MTAP: variants seen among roughly 807,000 people sequenced by gnomAD.
MTAP encodes methylthioadenosine phosphorylase, also known as S-methyl-5'-thioadenosine phosphorylase.
MTAP carries 33 observed loss-of-function variants against 33.6 expected under a neutral mutation model. That is an observed-to-expected ratio of 0.98 (90% CI 0.74 to 1.31). MTAP has a LOEUF of 1.31. Ranked by LOEUF, MTAP falls within the 40% of genes most tolerant of loss-of-function variation. MTAP has a pLI of 0.00. For synonymous variants in MTAP, 148 were observed against 125.7 expected, an observed-to-expected ratio of 1.18 and a Z score of -1.19; for missense variants, 367 against 360.0, an observed-to-expected ratio of 1.02 and a Z score of -0.16.
intron 2 of MTAP, 34 bp downstream of exon 2, chr9:21,815,553 G>GT (rs764487208): frequency 8.6e-7 from 1 of 1,158,106 alleles, no homozygotes; most frequent in Non-Finnish European, 1.3e-6. Flanking sequence ...ATGTTTTTTA[G>GT]TTTTTTCATT....
At chr9:21,908,429 G>T (rs1341341166) in intron 1 of MTAP, among the ~76,000 whole-genome samples, 3 of 152,016 alleles carry the variant, frequency 2.0e-5, no homozygotes, top group Non-Finnish European at 4.4e-5. Flanking sequence ...TTCATGTTCA[G>T]GTTTTTTGTG....
At chr9:21,905,762 T>A (rs1402108563) in intron 1 of MTAP, among the ~76,000 whole-genome samples, 1 of 152,170 alleles carries the variant, frequency 6.6e-6, no homozygotes, top group African/African-American at 2.4e-5. Context: ...GAGACAAGAC[T>A]TTCTGAGACT....
rs1444908477 is a variant in MTAP at position 21,922,929 on chromosome 9, TCTG to T, written c.148-8076_148-8074del. ...ACACTGTGCAATGTCTGCAATTTCC[TCTG>T]CTTTTTCAAATACAATTGTCTTTTT... is the stretch of plus-strand genomic sequence containing the variant. On this transcript the variant is annotated intron_variant, in intron 1 of 1. Coordinates refer to the MTAP transcript ENST00000577563. The surrounding 1 kb of genome is among the most constrained non-coding windows in gnomAD (Gnocchi z 4.8). Among the ~76,000 whole-genome samples, 1 of 152,178 alleles carries T rather than the reference TCTG, an allele frequency of 6.6e-6. No homozygotes were observed. Among genetic ancestry groups the T allele is most frequent in the Non-Finnish European group, 1.5e-5 (1 of 68,038 alleles).
At chr9:21,869,417 G>A (rs1300319723), downstream of MTAP, among the ~76,000 whole-genome samples, 1 of 152,106 alleles carries the variant, frequency 6.6e-6, no homozygotes, top group Non-Finnish European at 1.5e-5. Context: ...TGGCTTCCAA[G>A]GACACCACAC....
intron 7 of MTAP, 99 bp from the exon 8 acceptor site, chr9:21,861,877 C>T (rs1380900393): frequency 1.2e-6 from 1 of 822,544 alleles, no homozygotes; most frequent in Non-Finnish European, 2.1e-6. Context: ...CCTGCGTCCT[C>T]ACTTTGATCT....
At chr9:21,915,146 G>C (rs1285587407) in intron 1 of MTAP, among the ~76,000 whole-genome samples, 3 of 150,434 alleles carry the variant, frequency 2.0e-5, no homozygotes, top group African/African-American at 7.4e-5. Flanking sequence ...GCAGTGGTGG[G>C]ATCTTGGCTC....
At chr9:21,884,052 GTTT>G (rs1818063821) in intron 1 of MTAP, among the ~76,000 whole-genome samples, 1 of 151,956 alleles carries the variant, frequency 6.6e-6, no homozygotes, top group Non-Finnish European at 1.5e-5. Flanking sequence ...ATTGCAAGAA[GTTT>G]CTTTATCCTG....
At chr9:21,869,637 A>T (rs1825907803), downstream of MTAP, among the ~76,000 whole-genome samples, 1 of 152,098 alleles carries the variant, frequency 6.6e-6, no homozygotes, top group South Asian at 2.1e-4. Flanking sequence ...AGTTCCTCAG[A>T]CTAAAAACTT....
downstream of MTAP, among the ~76,000 whole-genome samples, chr9:21,939,246 C>T (rs1345128854): frequency 6.6e-6 from 1 of 152,192 alleles, no homozygotes; most frequent in African/African-American, 2.4e-5. Flanking sequence ...TCTTTTTCTT[C>T]CCAGTCTCTG....
intron 1 of MTAP, among the ~76,000 whole-genome samples, chr9:21,910,638 A>G (rs2118843875): frequency 6.6e-6 from 1 of 152,296 alleles, no homozygotes; most frequent in East Asian, 1.9e-4. Flanking sequence ...AAATCACTGA[A>G]AGGTTTGGAG....
At chr9:21,842,217 C>G (rs569770366) in intron 5 of MTAP, among the ~76,000 whole-genome samples, 1 of 151,774 alleles carries the variant, frequency 6.6e-6, no homozygotes, top group South Asian at 2.1e-4. Flanking sequence ...TTAACTGAAT[C>G]AAGACAAAGA....
intron 1 of MTAP, among the ~76,000 whole-genome samples, chr9:21,906,781 T>A (rs1185015683): frequency 6.6e-6 from 1 of 152,232 alleles, no homozygotes; most frequent in Non-Finnish European, 1.5e-5. Context: ...ATAACAGCAA[T>A]TATTTATGTC....
chr9:21,886,470 T>C (rs891064295), intron 1 of MTAP, among the ~76,000 whole-genome samples: 1 of 152,176 alleles, frequency 6.6e-6, no homozygotes, highest in Non-Finnish European at 1.5e-5. Flanking sequence ...GTACCATCTA[T>C]TTATCTTTGC....
At chr9:21,805,765 T>C (rs1824193012) in intron 1 of MTAP, among the ~76,000 whole-genome samples, 1 of 152,244 alleles carries the variant, frequency 6.6e-6, no homozygotes, top group South Asian at 2.1e-4. Context: ...GAATCTGCTG[T>C]GACCTTGAAC....
intron 1 of MTAP, among the ~76,000 whole-genome samples, chr9:21,887,844 G>A (rs542098892): frequency 2.6e-5 from 4 of 152,160 alleles, no homozygotes; most frequent in Admixed American, 6.5e-5. Context: ...GAGCTTTCAC[G>A]TCCTTGGTTA....
chr9:21,832,079 A>G (rs750680928), intron 4 of MTAP, among the ~76,000 whole-genome samples: 1 of 152,174 alleles, frequency 6.6e-6, no homozygotes, highest in East Asian at 1.9e-4. Flanking sequence ...AAGTTCTGGT[A>G]TCCTCCCCTC....
intron 1 of MTAP, chr9:21,930,665 G>A (rs1487288162): frequency 1.2e-5 from 6 of 499,932 alleles, no homozygotes; most frequent in Non-Finnish European, 2.1e-5. Context: ...CATGGCCAGA[G>A]CAAATTAACA....
downstream of MTAP, chr9:21,934,771 G>C (rs1040583778): frequency 1.3e-5 from 2 of 151,644 alleles, no homozygotes; most frequent in Admixed American, 1.3e-4. The surrounding 1 kb of genome is among the most constrained non-coding windows in gnomAD (Gnocchi z 5.0). Context: ...CACAATCTCA[G>C]CTCACTGCAA....
At position 21,818,202 on chromosome 9, in the gene MTAP, G is replaced by A. The variant is rs1287357623; in HGVS notation, c.347G>A (p.Arg116Lys). The change falls in exon 4 of 8, where the codon AGG becomes AAG. Residue 116 changes from arginine to lysine, a missense_variant and splice_region_variant. Transcript: ENST00000644715. ...GTCATTATTGATCAGTTCATTGACA[G>A]GTAAGCAGTCATACAAAATGCTTTA... is the stretch of plus-strand genomic sequence containing the variant. Reference protein sequence around the residue: ...DIVIIDQFIDRTTMRPQSFYD... With the variant: ...DIVIIDQFIDKTTMRPQSFYD... 3.7e-6 allele frequency: 6 copies of A among 1,607,314 alleles called. No individual in the cohort carries two copies. The highest frequency in any genetic ancestry group is 5.1e-6 in the Non-Finnish European group (6 of 1,176,106).
Sources: allele counts gnomAD v4.1 joint callset (sites outside exome capture counted in the v4.1 genomes callset), GRCh38; gene constraint gnomAD v4.1.1; non-coding constraint Gnocchi (gnomAD v3.1); transcripts MANE v1.5; gene names NCBI Gene and HGNC (gene_info 2026-07-23, HGNC 2026-07-21).